The following ZNF331 variants were observed in gnomAD, a reference collection of about 807,000 sequenced individuals.
ZNF331 encodes zinc finger protein 331, also known as C2H2-like zinc finger protein rearranged in thyroid adenomas.
In ZNF331, 2 loss-of-function variants were observed where a neutral mutation model predicts 7.0. That is an observed-to-expected ratio of 0.29 (90% CI 0.12 to 0.90). ZNF331 has a LOEUF of 0.90. Among genes scored for constraint, ZNF331 ranks in the 40% least tolerant of loss-of-function variants. The pLI is 0.58. For missense variants in ZNF331, 432 were observed against 587.7 expected (o/e 0.74, Z 2.74); for synonymous variants, 196 against 205.4 (o/e 0.95, Z 0.39).
At chr19:53,532,966 T>C (rs1285553159) in intron 2 of ZNF331, among the ~76,000 whole-genome samples, 1 of 152,152 alleles carries the variant, frequency 6.6e-6, no homozygotes, top group Non-Finnish European at 1.5e-5. Flanking sequence ...AAAAATCAAC[T>C]CTTAGTTTCA....
intron 3 of ZNF331, among the ~76,000 whole-genome samples, chr19:53,559,877 A>T (rs1180852057): frequency 1.3e-5 from 2 of 151,512 alleles, no homozygotes; most frequent in African/African-American, 4.9e-5. Flanking sequence ...ACACGAGCAT[A>T]TACACACACA....
upstream of ZNF331, chr19:53,538,096 G>T (rs1397105642): frequency 2.0e-5 from 3 of 152,444 alleles, no homozygotes; most frequent in Non-Finnish European, 4.4e-5. Flanking sequence ...CTGGGTGCGC[G>T]TGCGCATGCG....
intron 2 of ZNF331, among the ~76,000 whole-genome samples, chr19:53,527,465 G>A (rs1302818184): frequency 2.0e-5 from 3 of 152,176 alleles, no homozygotes; most frequent in East Asian, 3.9e-4. Context: ...CCTGAATTGT[G>A]CCAGTGGGCC....
chr19:53,544,064 TAAAAATAC>T (rs1323674748), intron 2 of ZNF331, among the ~76,000 whole-genome samples: 4 of 150,900 alleles, frequency 2.7e-5, no homozygotes, highest in African/African-American at 9.8e-5. Flanking sequence ...CCATCTCTAC[TAAAAATAC>T]AAAAATTGGC....
At chr19:53,515,086 T>C (rs37397), upstream of ZNF331, among the ~76,000 whole-genome samples, 101,475 of 151,896 alleles carry the variant, frequency 0.67, 34,901 homozygotes, top group African/African-American at 0.84. Context: ...CCAAACTTCT[T>C]CACTGAACAG....
intron 2 of ZNF331, among the ~76,000 whole-genome samples, chr19:53,551,943 A>G (rs2089039306): frequency 6.6e-6 from 1 of 152,142 alleles, no homozygotes; most frequent in Non-Finnish European, 1.5e-5. Flanking sequence ...AGCCTTTCAG[A>G]ATTAAATTTT....
intron 3 of ZNF331, among the ~76,000 whole-genome samples, chr19:53,559,122 TAC>T (rs532440017): frequency 3.2e-5 from 4 of 124,496 alleles, no homozygotes; most frequent in Non-Finnish European, 3.5e-5. Flanking sequence ...ACACCATACA[TAC>T]ACACACACCC....
At chr19:53,524,836 G>A (rs1157202598) in intron 2 of ZNF331, among the ~76,000 whole-genome samples, 3 of 152,100 alleles carry the variant, frequency 2.0e-5, no homozygotes, top group African/African-American at 7.2e-5. Flanking sequence ...TGAAGTCCTT[G>A]CCCATGCCTG....
chr19:53,569,402 CT>C lies in ZNF331; in HGVS notation c.9+20del. 1 of 1,613,632 alleles carries C rather than the reference CT, an allele frequency of 6.2e-7. No individual in the cohort carries two copies. The highest frequency in any genetic ancestry group is 8.5e-7 in the Non-Finnish European group (1 of 1,179,758). On this transcript the variant is annotated intron_variant, in intron 4 of 5. Transcript: ENST00000449416. ...ATGGCCCAGGTAAGTGTATATTTCT[CT>C]TTCCTTCTTGAGCTATGATATTTGC...
intron 2 of ZNF331, among the ~76,000 whole-genome samples, chr19:53,553,948 C>T (rs747563934): frequency 6.6e-6 from 1 of 152,188 alleles, no homozygotes; most frequent in Non-Finnish European, 1.5e-5. Flanking sequence ...GGCTGCCTGC[C>T]TGGAACGCGC....
At chr19:53,566,295 G>GGTTTT (rs1199018109) in intron 3 of ZNF331, among the ~76,000 whole-genome samples, 1 of 152,060 alleles carries the variant, frequency 6.6e-6, no homozygotes, top group African/African-American at 2.4e-5. Context: ...GGTTTGGTTT[G>GGTTTT]GTTTGGTTTG....
chr19:53,561,540 C>T (rs2089888508), intron 3 of ZNF331, among the ~76,000 whole-genome samples: 1 of 152,054 alleles, frequency 6.6e-6, no homozygotes, highest in South Asian at 2.1e-4. Flanking sequence ...TGTGACTACT[C>T]CAGAGACTCT....
In ZNF331 at chr19:53,578,450, T is replaced by C; in HGVS notation, c.*498T>C. On this transcript the variant is annotated 3_prime_UTR_variant, in exon 6 of 6. Transcript: ENST00000449416. ...AGATCTACATGACAATAAGATATTT[T>C]GGGAGAGAGATACGTTCACATAATT... 8.7e-6 allele frequency: 2 copies of C among 229,986 alleles called. No homozygotes were observed. Among genetic ancestry groups the C allele is most frequent in the East Asian group, 1.3e-4 (2 of 15,734 alleles). 14.2% of individuals were successfully genotyped at this position (229,986 alleles called of 1,614,324 possible).
At chr19:53,569,440 C>T in intron 4 of ZNF331, 55 bp downstream of exon 4, 1 of 1,598,742 alleles carries the variant, frequency 6.3e-7, no homozygotes, top group Middle Eastern at 1.7e-4. Flanking sequence ...TTCTGTGCAT[C>T]TGCTTGTGAA....
At chr19:53,562,696 G>GA (rs199571538) in intron 3 of ZNF331, among the ~76,000 whole-genome samples, 176 of 133,794 alleles carry the variant, frequency 1.3e-3, no homozygotes, top group South Asian at 8.5e-3. Context: ...ATCTCAAAAA[G>GA]AAAAAAAAAA....
At chr19:53,564,249 CTG>C (rs2090049944) in intron 3 of ZNF331, among the ~76,000 whole-genome samples, 1 of 151,736 alleles carries the variant, frequency 6.6e-6, no homozygotes. Flanking sequence ...CAAAACATCT[CTG>C]TCCAGATTAT....
At chr19:53,574,243 C>T (rs1275528936) in intron 5 of ZNF331, among the ~76,000 whole-genome samples, 2 of 152,028 alleles carry the variant, frequency 1.3e-5, no homozygotes, top group Non-Finnish European at 2.9e-5. Context: ...GAGGTACTGT[C>T]TTATAGAATT....
chr19:53,538,320 G>A (rs571312364), intron 1 of ZNF331, 24 bp downstream of exon 1: 2 of 152,406 alleles, frequency 1.3e-5, no homozygotes, highest in Admixed American at 1.3e-4. Context: ...GCGTGGCTCC[G>A]AGGGGAGACG....
chr19:53,510,088 G>A, the ZNF331 span, among the ~76,000 whole-genome samples: 1 of 152,162 alleles, frequency 6.6e-6, no homozygotes, highest in Non-Finnish European at 1.5e-5. Context: ...ATGAGATTTG[G>A]GTGGGGACAC....
Sources: allele counts gnomAD v4.1 joint callset (sites outside exome capture counted in the v4.1 genomes callset), GRCh38; gene constraint gnomAD v4.1.1; transcripts MANE v1.5; gene names NCBI Gene and HGNC (gene_info 2026-07-23, HGNC 2026-07-21).